Variants in GRID2 observed in about 807,000 individuals in gnomAD.
GRID2 encodes glutamate receptor ionotropic, delta-2.
Under a neutral mutation model 114.8 loss-of-function variants are expected in GRID2, and 33 were observed. The ratio of observed to expected loss-of-function variants is 0.29; its 90% CI spans 0.22 to 0.38. The LOEUF (loss-of-function observed/expected upper bound fraction) is 0.38, where lower values mean the gene tolerates loss of function less well. Ranked by LOEUF, GRID2 falls within the 10% of genes least tolerant of loss-of-function variation. The probability of loss-of-function intolerance (pLI) is 1.00; values close to 1 mark genes in which losing one functional copy is unlikely to be tolerated. For missense variants in GRID2, 1,184 were observed against 1,257.7 expected, an observed-to-expected ratio of 0.94 and a Z score of 0.89; for synonymous variants, 505 against 449.9, an observed-to-expected ratio of 1.12 and a Z score of -1.55.
intron 12 of GRID2, among the ~76,000 whole-genome samples, chr4:93,497,880 T>G (rs2149469496): frequency 6.6e-6 from 1 of 152,006 alleles, no homozygotes. Context: ...ATTGCTGAAA[T>G]ATTGACAGTA....
At chr4:92,519,133 G>C (rs918201457) in intron 1 of GRID2, among the ~76,000 whole-genome samples, 8 of 151,726 alleles carry the variant, frequency 5.3e-5, no homozygotes, top group Non-Finnish European at 1.2e-4. Flanking sequence ...CCTTTATTTA[G>C]CTTGGTTTAG....
chr4:93,083,669 C>T (rs554629465), intron 2 of GRID2, among the ~76,000 whole-genome samples: 11 of 130,400 alleles, frequency 8.4e-5, no homozygotes, highest in African/African-American at 3.3e-4. Flanking sequence ...GCACTCCAGT[C>T]TGGGCAACAG....
chr4:93,127,870 T>C (rs1053427183), intron 4 of GRID2, among the ~76,000 whole-genome samples: 1 of 150,966 alleles, frequency 6.6e-6, no homozygotes, highest in Non-Finnish European at 1.5e-5. Context: ...TTAAAAGTTA[T>C]AATAGCTGGG....
At chr4:92,788,284 T>A (rs1422902583) in intron 2 of GRID2, among the ~76,000 whole-genome samples, 1 of 151,600 alleles carries the variant, frequency 6.6e-6, no homozygotes, top group Non-Finnish European at 1.5e-5. Flanking sequence ...GAGTCAACAA[T>A]CAGAATCAGA....
intron 5 of GRID2, among the ~76,000 whole-genome samples, chr4:93,209,050 CTT>C (rs1743141505): frequency 6.6e-6 from 1 of 151,920 alleles, no homozygotes; most frequent in East Asian, 1.9e-4. Context: ...GAATTTAAAA[CTT>C]AATCTTTTTC....
intron 1 of GRID2, among the ~76,000 whole-genome samples, chr4:92,402,364 A>T (rs1730826338): frequency 6.6e-6 from 1 of 152,148 alleles, no homozygotes; most frequent in African/African-American, 2.4e-5. Context: ...GGTTTTCAAC[A>T]TATCTGCCCA....
chr4:92,627,120 ATACT>A (rs1198870532), intron 2 of GRID2, among the ~76,000 whole-genome samples: 2 of 152,088 alleles, frequency 1.3e-5, no homozygotes, highest in African/African-American at 2.4e-5. Flanking sequence ...AGCATTAAAC[ATACT>A]TTAAAAATTA....
At chr4:93,600,528 C>T (rs1456371371) in intron 13 of GRID2, among the ~76,000 whole-genome samples, 1 of 151,848 alleles carries the variant, frequency 6.6e-6, no homozygotes. Flanking sequence ...ATACATTTCA[C>T]ATCCACCATA....
At chr4:93,533,198 C>A (rs1288272939) in intron 13 of GRID2, among the ~76,000 whole-genome samples, 1 of 151,824 alleles carries the variant, frequency 6.6e-6, no homozygotes, top group Non-Finnish European at 1.5e-5. Context: ...TTCTCTTACA[C>A]CTCATGTCTA....
At chr4:92,707,586 G>C (rs902947391) in intron 2 of GRID2, among the ~76,000 whole-genome samples, 2 of 152,146 alleles carry the variant, frequency 1.3e-5, no homozygotes, top group African/African-American at 4.8e-5. Flanking sequence ...AACGTGGAAA[G>C]ATTTATTTTA....
chr4:93,735,088 G>C (rs1730809424), intron 14 of GRID2, among the ~76,000 whole-genome samples: 1 of 151,966 alleles, frequency 6.6e-6, no homozygotes, highest in Non-Finnish European at 1.5e-5. Flanking sequence ...TCGTCAAATT[G>C]CAAGCAAACA....
intron 8 of GRID2, among the ~76,000 whole-genome samples, chr4:93,372,869 A>G (rs745593256): frequency 6.6e-6 from 1 of 152,198 alleles, no homozygotes; most frequent in Non-Finnish European, 1.5e-5. Flanking sequence ...GAAAATATGT[A>G]CAACATATGT....
intron 4 of GRID2, among the ~76,000 whole-genome samples, chr4:93,155,418 C>T (rs1737086871): frequency 6.6e-6 from 1 of 151,864 alleles, no homozygotes; most frequent in Non-Finnish European, 1.5e-5. Context: ...TCTAAGGTCA[C>T]CATTTTAGGA....
chr4:92,909,515 T>C (rs903118182), intron 2 of GRID2, among the ~76,000 whole-genome samples: 1 of 152,120 alleles, frequency 6.6e-6, no homozygotes, highest in Non-Finnish European at 1.5e-5. Context: ...TTTAAACCAC[T>C]CCCATTTGCC....
chr4:93,029,481 A>C (rs1161007915), intron 2 of GRID2, among the ~76,000 whole-genome samples: 1 of 152,132 alleles, frequency 6.6e-6, no homozygotes, highest in Non-Finnish European at 1.5e-5. Context: ...GTAACACTAC[A>C]TGTAATTGTG....
intron 1 of GRID2, among the ~76,000 whole-genome samples, chr4:92,502,020 CAGAGTAGCTTAACTA>C (rs1233524477): frequency 6.6e-6 from 1 of 151,994 alleles, no homozygotes; most frequent in East Asian, 1.9e-4. Context: ...GACTTCTAAG[CAGAGTAGCTTAACTA>C]ATATATGTAT....
chr4:93,470,673 T>C (rs1724716650), intron 11 of GRID2, among the ~76,000 whole-genome samples: 1 of 152,080 alleles, frequency 6.6e-6, no homozygotes, highest in Non-Finnish European at 1.5e-5. Context: ...GGACGATCTC[T>C]CCCTGATTTT....
At chr4:93,019,246 G>T (rs1423057448) in intron 2 of GRID2, among the ~76,000 whole-genome samples, 4 of 152,098 alleles carry the variant, frequency 2.6e-5, no homozygotes, top group Admixed American at 2.6e-4. Flanking sequence ...CATACTAGAA[G>T]AATTAGATGA....
intron 2 of GRID2, among the ~76,000 whole-genome samples, chr4:92,798,728 A>T (rs1457444870): frequency 1.3e-5 from 2 of 152,148 alleles, no homozygotes; most frequent in South Asian, 4.1e-4. Context: ...GTTAATAAGT[A>T]CCTGAAATTA....
Sources: gnomAD v4.1 joint callset for allele counts (sites outside exome capture counted in the v4.1 genomes callset) on GRCh38, gnomAD v4.1.1 for gene constraint, MANE v1.5 for transcripts, NCBI Gene and HGNC (gene_info 2026-07-23, HGNC 2026-07-21) for gene names.